BANP: variants seen among roughly 807,000 people sequenced by gnomAD.
The protein encoded by BANP is BTG3 associated nuclear protein, also known as protein BANP.
BANP carries 11 observed loss-of-function variants against 68.1 expected under a neutral mutation model. That is an observed-to-expected ratio of 0.16 (90% CI 0.10 to 0.27). The LOEUF is 0.27. BANP is among the 10% of genes least tolerant of loss of function. The pLI is 1.00. For synonymous variants in BANP, 329 were observed against 303.2 expected (o/e 1.09, Z -0.88); for missense variants, 504 against 722.7 (o/e 0.70, Z 3.47).
rs563160516 is a variant in BANP, at chr16:88,016,606, T to G, written c.656-1822T>G. On this transcript the variant is annotated intron_variant, in intron 6 of 13. Transcript: ENST00000682872. ...AGGCCCTTGGGTGTCCCGTAAGGAT[T>G]CGTAGATACATTCGTAGAATCCCCG... Among the ~76,000 whole-genome samples, 7 of 152,338 alleles carry G rather than the reference T, an allele frequency of 4.6e-5. No individual in the cohort carries two copies. In the South Asian group the frequency reaches 1.4e-3, roughly 32 times the overall value.
At chr16:88,067,899 A>G (rs1219933083) in intron 12 of BANP, among the ~76,000 whole-genome samples, 2 of 152,200 alleles carry the variant, frequency 1.3e-5, no homozygotes, top group East Asian at 3.9e-4. Context: ...GCCTTCCCGC[A>G]GTTACACGTT....
At chr16:88,067,299 CCT>C (rs1327046492) in intron 12 of BANP, among the ~76,000 whole-genome samples, 3 of 152,178 alleles carry the variant, frequency 2.0e-5, no homozygotes, top group African/African-American at 7.2e-5. Flanking sequence ...AGTTGTTTGG[CCT>C]CTCAGCCCCC....
intron 1 of BANP, among the ~76,000 whole-genome samples, chr16:87,967,359 T>C (rs1352991224): frequency 1.3e-5 from 2 of 151,054 alleles, no homozygotes; most frequent in South Asian, 2.1e-4. Flanking sequence ...CCACCCACCT[T>C]CTCCTCCCGA....
At position 88,004,264 on chromosome 16, in the gene BANP, T is replaced by C; in HGVS notation, c.363-31T>C. Reference sequence around the variant, plus strand: ...CATGAATGTTGTTGTTTTAAGGCCTTCTTTTTCTTTGTGATTCTTTTGTTC... The same window carrying C: ...CATGAATGTTGTTGTTTTAAGGCCTCCTTTTTCTTTGTGATTCTTTTGTTC... On this transcript the variant is annotated intron_variant, in intron 4 of 13. Coordinates refer to ENST00000682872, the MANE Select transcript of BANP (RefSeq NM_001386991.1). This position sits in a 1 kb window ranked among gnomAD's most constrained non-coding sequence, Gnocchi z 7.0. 4 of 1,344,490 alleles carry C rather than the reference T, an allele frequency of 3.0e-6. No individual in the cohort carries two copies. The highest frequency in any genetic ancestry group is 3.1e-6 in the Non-Finnish European group (3 of 960,078). The allele number at this position is 1,344,490 out of a possible 1,614,324, so 83.3% of individuals were successfully genotyped here. A position where few individuals can be genotyped will look rare whatever the true frequency, so the allele number is the denominator to read the frequency against.
intron 6 of BANP, among the ~76,000 whole-genome samples, chr16:88,009,344 G>C (rs2072312558): frequency 6.6e-6 from 1 of 152,206 alleles, no homozygotes; most frequent in African/African-American, 2.4e-5. Context: ...AGGAGCCGCA[G>C]GAGACAGATT....
chr16:88,029,845 T>C (rs1193389065), intron 8 of BANP, among the ~76,000 whole-genome samples: 1 of 151,828 alleles, frequency 6.6e-6, no homozygotes, highest in African/African-American at 2.4e-5. Context: ...AGGAGATGGG[T>C]TGGAGTTGAG....
chr16:87,971,786 T>A (rs2145611621), intron 1 of BANP, among the ~76,000 whole-genome samples: 1 of 152,294 alleles, frequency 6.6e-6, no homozygotes, highest in East Asian at 1.9e-4. Flanking sequence ...GTATTCCATT[T>A]CATTGCTTTA....
chr16:88,066,864 C>T (rs376881722), intron 12 of BANP, among the ~76,000 whole-genome samples: 392 of 152,302 alleles, frequency 2.6e-3, no homozygotes, highest in Non-Finnish European at 4.1e-3. Context: ...ACTTGAGGGT[C>T]TCCCAGGGCA....
Position 88,003,016 on chromosome 16 carries a change from C to T in BANP, c.363-1279C>T, listed in dbSNP as rs1398512783. On this transcript the variant is annotated intron_variant, in intron 4 of 13. Coordinates refer to ENST00000682872, the MANE Select transcript of BANP (RefSeq NM_001386991.1). The surrounding 1 kb of genome is among the most constrained non-coding windows in gnomAD (Gnocchi z 6.1). ...CCATAGCCTCCACTTGGGGAACATACCAAGCTCGTGCAAGTCAGGTAGCCT... is the reference window on the plus strand; with the variant it reads ...CCATAGCCTCCACTTGGGGAACATATCAAGCTCGTGCAAGTCAGGTAGCCT... Among the ~76,000 whole-genome samples, 1 of 152,160 alleles carries T rather than the reference C, an allele frequency of 6.6e-6. No homozygotes were observed. The highest frequency in any genetic ancestry group is 1.5e-5 in the Non-Finnish European group (1 of 68,034).
intron 4 of BANP, among the ~76,000 whole-genome samples, chr16:87,992,697 G>A (rs1404120366): frequency 1.3e-5 from 2 of 151,864 alleles, no homozygotes; most frequent in Non-Finnish European, 2.9e-5. Context: ...AGGAGGTTGG[G>A]GCAGGAGAAT....
rs959021279 is a variant in BANP, at chr16:87,957,156, GCAGACTCCACGACT to G, written c.-69+5643_-69+5656del. On this transcript the variant is annotated intron_variant, in intron 1 of 13. Coordinates refer to ENST00000682872, the MANE Select transcript of BANP (RefSeq NM_001386991.1). The surrounding 1 kb of genome is among the most constrained non-coding windows in gnomAD (Gnocchi z 4.3). The stretch of plus-strand genomic sequence containing the variant: ...CTGGATCGTCAGCGTTCACGGTGGA[GCAGACTCCACGACT>G]CGCTGCTCCCATGGGAGGTGTCTCT... The G allele has an allele frequency of 3.1e-4, 47 of 152,252 alleles. No individual in the cohort carries two copies. The highest frequency in any genetic ancestry group is 1.1e-3 in the African/African-American group (45 of 41,460). 9.4% of individuals were successfully genotyped at this position (152,252 alleles called of 1,614,324 possible). A position where few individuals can be genotyped will look rare whatever the true frequency, so the allele number is the denominator to read the frequency against.
intron 4 of BANP, among the ~76,000 whole-genome samples, chr16:87,994,103 C>T (rs778503740): frequency 2.7e-5 from 4 of 149,470 alleles, no homozygotes; most frequent in African/African-American, 7.7e-5. Context: ...ATGCGGAGCG[C>T]GGCGGTGTGC....
intron 4 of BANP, among the ~76,000 whole-genome samples, chr16:88,001,931 CAA>C (rs79450312): frequency 1.5e-5 from 2 of 135,562 alleles, no homozygotes; most frequent in Admixed American, 7.2e-5. Context: ...AACAAAAAAA[CAA>C]AAAAAAAAAA....
intron 7 of BANP, 137 bp from the exon 8 acceptor site, chr16:88,027,346 C>G: frequency 2.1e-6 from 2 of 930,274 alleles, no homozygotes; most frequent in Non-Finnish European, 3.3e-6. Context: ...CAGACCCTTG[C>G]AGGAAGACGG....
At position 88,059,357 on chromosome 16, in the gene BANP, C is replaced by T. The variant is rs116441678; in HGVS notation, c.1312-5910C>T. On this transcript the variant is annotated intron_variant, in intron 11 of 13. Transcript: ENST00000682872. ...TGATACCACACTGTTCCAATCTCTG[C>T]CTCTCCTCTGCTTCTCTGTGTTCAA... is the stretch of plus-strand genomic sequence containing the variant. Among the ~76,000 whole-genome samples, 1,031 of 152,160 alleles carry T rather than the reference C, an allele frequency of 6.8e-3. 10 individuals carry two copies. The highest frequency in any genetic ancestry group is 0.018 in the African/African-American group (729 of 41,490).
intron 8 of BANP, among the ~76,000 whole-genome samples, chr16:88,031,735 C>G (rs1484455114): frequency 1.3e-5 from 2 of 151,900 alleles, no homozygotes; most frequent in African/African-American, 2.4e-5. Context: ...AATTTAATAC[C>G]TACCATTAGC....
chr16:88,037,020 A>T (rs1237319135), intron 10 of BANP, among the ~76,000 whole-genome samples: 1 of 152,138 alleles, frequency 6.6e-6, no homozygotes, highest in African/African-American at 2.4e-5. Context: ...GCACAGACAG[A>T]TGTGGGCTGG....
At chr16:88,021,713 C>A (rs1055482031) in intron 7 of BANP, among the ~76,000 whole-genome samples, 2 of 152,216 alleles carry the variant, frequency 1.3e-5, no homozygotes, top group African/African-American at 4.8e-5. Flanking sequence ...CCAGCTTGAA[C>A]AGCGGCAGGA....
intron 1 of BANP, among the ~76,000 whole-genome samples, chr16:87,961,738 G>A (rs2059193751): frequency 6.6e-6 from 1 of 152,142 alleles, no homozygotes. Flanking sequence ...AGTATTAAGA[G>A]GTGATTGGAT....
Sources: gnomAD v4.1 joint callset for allele counts (sites outside exome capture counted in the v4.1 genomes callset) on GRCh38, gnomAD v4.1.1 for gene constraint, Gnocchi (gnomAD v3.1) non-coding constraint, MANE v1.5 for transcripts, NCBI Gene and HGNC (gene_info 2026-07-23, HGNC 2026-07-21) for gene names.